Variants in WWC2 observed in about 807,000 individuals in gnomAD.
The protein encoded by WWC2 is WW and C2 domain containing 2.
In WWC2, 101 loss-of-function variants were observed where a neutral mutation model predicts 138.5. That is an observed-to-expected ratio of 0.73 (90% CI 0.62 to 0.86). The LOEUF (loss-of-function observed/expected upper bound fraction) is 0.86, where lower values mean the gene tolerates loss of function less well. Among genes scored for constraint, WWC2 ranks in the 40% least tolerant of loss-of-function variants. WWC2 has a pLI of 0.00. For missense variants in WWC2, 1,420 were observed against 1,419.4 expected (o/e 1.00, Z -0.01); for synonymous variants, 558 against 538.4 (o/e 1.04, Z -0.50).
In WWC2 at chr4:183,284,404, G is replaced by C; in HGVS notation, c.3048+14G>C. On this transcript the variant is annotated intron_variant, in intron 19 of 22. Transcript: ENST00000403733. Reference sequence around the variant, plus strand: ...TACATCTGCAGGGTAAGGTGGCAGTGCTCGTGGTGAGGCGCTGGGACTGCA... The same window carrying C: ...TACATCTGCAGGGTAAGGTGGCAGTCCTCGTGGTGAGGCGCTGGGACTGCA... The C allele has an allele frequency of 6.2e-7, 1 of 1,608,122 alleles. No homozygotes were observed. Among genetic ancestry groups the C allele is most frequent in the Non-Finnish European group, 8.5e-7 (1 of 1,178,758 alleles).
At chr4:183,263,698 T>A (rs1185893770) in intron 11 of WWC2, among the ~76,000 whole-genome samples, 1 of 152,126 alleles carries the variant, frequency 6.6e-6, no homozygotes. Flanking sequence ...ATGTCAAGGC[T>A]GCGACGAGCT....
chr4:183,248,679 T>G, intron 6 of WWC2, 35 bp from the exon 7 acceptor site: 4 of 1,539,984 alleles, frequency 2.6e-6, no homozygotes, highest in Non-Finnish European at 3.5e-6. Flanking sequence ...TCTTACTTGT[T>G]AAGCTTTATG....
At chr4:183,278,859 C>G (rs1454251154) in intron 16 of WWC2, among the ~76,000 whole-genome samples, 3 of 151,198 alleles carry the variant, frequency 2.0e-5, no homozygotes, top group South Asian at 2.1e-4. Flanking sequence ...AGTTGCTTAT[C>G]AGCTTAAGGA....
intron 2 of WWC2, among the ~76,000 whole-genome samples, chr4:183,204,109 T>TAAAA: frequency 6.6e-6 from 1 of 152,310 alleles, no homozygotes; most frequent in Non-Finnish European, 1.5e-5. Flanking sequence ...CTGAAGGTTT[T>TAAAA]ATTTCTGCAA....
intron 1 of WWC2, among the ~76,000 whole-genome samples, chr4:183,170,056 ATAGT>A: frequency 6.6e-6 from 1 of 152,310 alleles, no homozygotes; most frequent in East Asian, 1.9e-4. Flanking sequence ...TACTTGAAGG[ATAGT>A]TGGTTTGTTG....
Position 183,245,511 on chromosome 4 carries a change from G to A in WWC2, c.698G>A (p.Ser233Asn). 6.2e-7 allele frequency: 1 copy of A among 1,604,590 alleles called. No individual in the cohort carries two copies. Among genetic ancestry groups the A allele is most frequent in the South Asian group, 1.1e-5 (1 of 89,774 alleles). The change falls in exon 6 of 23, where the codon AGC (serine) becomes AAC (asparagine). Residue 233 changes from serine to asparagine, a missense_variant. Coordinates refer to ENST00000403733, the MANE Select transcript of WWC2 (RefSeq NM_024949.6). ...CTAAAATCTATCAGAAAGGCAATTA[G>A]CTCAGGAGAAAAAGAAAAACAAGAT... ...TELKSIRKAISSGEKEKQDLM... is the reference protein window; with the variant it reads ...TELKSIRKAINSGEKEKQDLM...
chr4:183,305,234 A>G (rs1371642206), intron 21 of WWC2, among the ~76,000 whole-genome samples: 4 of 151,572 alleles, frequency 2.6e-5, no homozygotes, highest in African/African-American at 4.8e-5. Context: ...GAGACTGGAG[A>G]AAAAAAAAGG....
At chr4:183,139,220 A>G (rs1013202426) in intron 1 of WWC2, among the ~76,000 whole-genome samples, 4 of 152,186 alleles carry the variant, frequency 2.6e-5, no homozygotes, top group African/African-American at 4.8e-5. Flanking sequence ...AAATCCAGCC[A>G]TTGTTCCCAT....
intron 1 of WWC2, among the ~76,000 whole-genome samples, chr4:183,111,112 C>T (rs1561419039): frequency 1.3e-5 from 2 of 152,046 alleles, no homozygotes; most frequent in Admixed American, 1.3e-4. Flanking sequence ...TCGTGGCAGG[C>T]GCTGGTAGTC....
At chr4:183,136,011 C>T (rs1018135326) in intron 1 of WWC2, among the ~76,000 whole-genome samples, 1 of 151,670 alleles carries the variant, frequency 6.6e-6, no homozygotes, top group South Asian at 2.1e-4. Flanking sequence ...GAGACCAGGT[C>T]TCACTCTGTT....
intron 1 of WWC2, among the ~76,000 whole-genome samples, chr4:183,135,158 A>G (rs1733069732): frequency 6.6e-6 from 1 of 152,112 alleles, no homozygotes; most frequent in African/African-American, 2.4e-5. Context: ...ACCTCAGGTG[A>G]TCCACCCACC....
At chr4:183,259,769 A>G (rs754676309) in intron 10 of WWC2, 41 bp downstream of exon 10, 30 of 1,292,880 alleles carry the variant, frequency 2.3e-5, no homozygotes, top group Non-Finnish European at 3.3e-5. Context: ...TTTTCTCCGA[A>G]TAGCATGTTC....
intron 4 of WWC2, among the ~76,000 whole-genome samples, chr4:183,217,322 A>G (rs1482050228): frequency 3.3e-5 from 5 of 152,172 alleles, no homozygotes; most frequent in African/African-American, 9.7e-5. Context: ...GGTATATTCT[A>G]AAAGTGTATT....
intron 1 of WWC2, among the ~76,000 whole-genome samples, chr4:183,121,871 C>T (rs1732610148): frequency 6.7e-6 from 1 of 148,638 alleles, no homozygotes; most frequent in Non-Finnish European, 1.5e-5. Flanking sequence ...CTGCAAGCTT[C>T]GCCTCCTGGG....
chr4:183,311,034 G>T (rs556008195), intron 21 of WWC2, among the ~76,000 whole-genome samples: 1 of 152,034 alleles, frequency 6.6e-6, no homozygotes, highest in African/African-American at 2.4e-5. Flanking sequence ...GATTTACATC[G>T]CTAGTAAGTG....
chr4:183,215,217 C>T (rs1030891563), intron 4 of WWC2, among the ~76,000 whole-genome samples: 3 of 152,192 alleles, frequency 2.0e-5, no homozygotes, highest in South Asian at 2.1e-4. Flanking sequence ...TCGCATTATA[C>T]TTTAATAAAA....
At chr4:183,105,758 C>T (rs1743332636) in intron 1 of WWC2, among the ~76,000 whole-genome samples, 1 of 151,886 alleles carries the variant, frequency 6.6e-6, no homozygotes, top group Admixed American at 6.6e-5. Flanking sequence ...GGCGTGGTGG[C>T]GGGTGCCTGT....
At position 183,316,171 on chromosome 4, in the gene WWC2, A is replaced by G. The variant is rs1270734783; in HGVS notation, c.*442A>G. On this transcript the variant is annotated 3_prime_UTR_variant, in exon 23 of 23. Coordinates refer to ENST00000403733, the MANE Select transcript of WWC2 (RefSeq NM_024949.6). ...ACGTGGTATCTGTGCGCTGGCGAGGAGAGGAGCGCTTTCCATTTGGAGGCA... is the reference window on the plus strand; with the variant it reads ...ACGTGGTATCTGTGCGCTGGCGAGGGGAGGAGCGCTTTCCATTTGGAGGCA... 6.2e-6 allele frequency: 1 copy of G among 161,296 alleles called. No individual in the cohort carries two copies. Among genetic ancestry groups the G allele is most frequent in the African/African-American group, 2.4e-5 (1 of 41,524 alleles). 10.0% of individuals were successfully genotyped at this position (161,296 alleles called of 1,614,324 possible).
chr4:183,220,640 C>T (rs766873619), intron 4 of WWC2, among the ~76,000 whole-genome samples: 3 of 151,754 alleles, frequency 2.0e-5, no homozygotes, highest in Non-Finnish European at 2.9e-5. Flanking sequence ...TGAGACCATC[C>T]TGGCTAACAC....
Sources: gnomAD v4.1 joint callset for allele counts (sites outside exome capture counted in the v4.1 genomes callset) on GRCh38, gnomAD v4.1.1 for gene constraint, MANE v1.5 for transcripts, NCBI Gene and HGNC (gene_info 2026-07-23, HGNC 2026-07-21) for gene names.